The following RLF variants were observed in gnomAD, a reference collection of about 807,000 sequenced individuals.
The protein encoded by RLF is RLF zinc finger.
A neutral mutation model predicts 162.9 loss-of-function variants in RLF; 7 were observed. The observed-to-expected ratio is 0.04, with a 90% CI of 0.02 to 0.08. The LOEUF is 0.08. Among genes scored for constraint, RLF ranks in the 10% least tolerant of loss-of-function variants. RLF has a pLI of 1.00. For missense variants in RLF, 1,664 were observed against 2,244.7 expected, an observed-to-expected ratio of 0.74 and a Z score of 5.23; for synonymous variants, 782 against 791.5, an observed-to-expected ratio of 0.99 and a Z score of 0.20.
intron 1 of RLF, among the ~76,000 whole-genome samples, chr1:40,186,745 TAATC>T (rs1642487095): frequency 6.6e-6 from 1 of 152,220 alleles, no homozygotes; most frequent in African/African-American, 2.4e-5. Context: ...TTATGTGTGA[TAATC>T]TATTGAAAAA....
intron 7 of RLF, 44 bp downstream of exon 7, chr1:40,231,702 G>A (rs1343499481): frequency 6.5e-7 from 1 of 1,533,402 alleles, no homozygotes; most frequent in African/African-American, 1.4e-5. Context: ...CTGGAGGAAA[G>A]AAATGAGTGG....
intron 5 of RLF, among the ~76,000 whole-genome samples, chr1:40,205,576 G>A (rs1008266476): frequency 8.9e-5 from 12 of 134,796 alleles, no homozygotes; most frequent in South Asian, 2.5e-4. Context: ...TGCAAGCTCC[G>A]CCTCCCAGGT....
At chr1:40,168,820 C>T (rs1028606628) in intron 1 of RLF, among the ~76,000 whole-genome samples, 1 of 151,720 alleles carries the variant, frequency 6.6e-6, no homozygotes, top group African/African-American at 2.4e-5. Flanking sequence ...GGTGAAACCC[C>T]ATCTCTACTA....
chr1:40,188,307 T>C (rs1642509613), intron 1 of RLF, among the ~76,000 whole-genome samples: 1 of 152,184 alleles, frequency 6.6e-6, no homozygotes, highest in South Asian at 2.1e-4. Flanking sequence ...ACACATATAA[T>C]TTATCAGGCT....
At chr1:40,231,800 G>C (rs989115528) in intron 7 of RLF, 142 bp downstream of exon 7, 1 of 696,210 alleles carries the variant, frequency 1.4e-6, no homozygotes, top group African/African-American at 1.8e-5. Context: ...ACATCTGACT[G>C]TTTCTCCAGA....
intron 1 of RLF, among the ~76,000 whole-genome samples, chr1:40,173,093 T>TTTTTTTTTTTTTTTTTTTG (rs1642269653): frequency 7.0e-6 from 1 of 142,776 alleles, no homozygotes; most frequent in African/African-American, 2.6e-5. Context: ...TTTTTTTTTG[T>TTTTTTTTTTTTTTTTTTTG]GAGGCAGAGT....
At chr1:40,168,241 T>TTTTG (rs774768473) in intron 1 of RLF, among the ~76,000 whole-genome samples, 15 of 151,760 alleles carry the variant, frequency 9.9e-5, no homozygotes, top group South Asian at 4.2e-4. Context: ...GAAAGATACT[T>TTTTG]TTTGTTTGTT....
chr1:40,221,712 AAC>A (rs1172877990), intron 5 of RLF, among the ~76,000 whole-genome samples: 2 of 151,850 alleles, frequency 1.3e-5, no homozygotes, highest in Non-Finnish European at 2.9e-5. Flanking sequence ...CATCCTGGCT[AAC>A]ACAGTGAAAC....
intron 6 of RLF, among the ~76,000 whole-genome samples, chr1:40,224,994 A>C (rs1229505647): frequency 3.9e-5 from 6 of 152,014 alleles, no homozygotes; most frequent in Non-Finnish European, 8.8e-5. Flanking sequence ...AAAACAAAAA[A>C]CATTGAATTT....
In RLF at chr1:40,173,863, G is replaced by A. The variant is rs149800820; in HGVS notation, c.237+12227G>A. ...GGTCTCTTTGAAGTTCTCATGAAGC[G>A]GAACATGTCCAAAGAATTATAATTA... On this transcript the variant is annotated intron_variant, in intron 1 of 7. Coordinates refer to ENST00000372771, the MANE Select transcript of RLF (RefSeq NM_012421.4). Among the ~76,000 whole-genome samples the A allele has an allele frequency of 7.4e-4, 112 of 152,214 alleles. 3 individuals are homozygous for A. The East Asian group carries it at 0.02, about 27-fold the overall frequency.
At chr1:40,186,691 G>GA (rs1416058342) in intron 1 of RLF, among the ~76,000 whole-genome samples, 1 of 152,210 alleles carries the variant, frequency 6.6e-6, no homozygotes, top group Non-Finnish European at 1.5e-5. Context: ...AAAGCTCTGT[G>GA]AGGATAGGCC....
At position 40,236,606 on chromosome 1, in the gene RLF, C is replaced by T. The variant is rs777750837; in HGVS notation, c.1904C>T (p.Ala635Val). ...GGTATTTGTCCTAAGAGCCCCTCTG[C>T]AATCCCAGAGCAAAACCATTCATTG... ...QKGICPKSPS[A>V]IPEQNHSLND... Residue 635 changes from alanine to valine, a missense_variant, in exon 8 of 8, where the codon GCA (alanine) becomes GTA (valine). Transcript: ENST00000372771. The surrounding 1 kb of genome is among the most constrained non-coding windows in gnomAD (Gnocchi z 7.7). The T allele has an allele frequency of 6.2e-7, 1 of 1,614,124 alleles. No homozygotes were observed. The highest frequency in any genetic ancestry group is 1.1e-5 in the South Asian group (1 of 91,084).
chr1:40,168,977 G>C (rs992059852), intron 1 of RLF, among the ~76,000 whole-genome samples: 85 of 152,082 alleles, frequency 5.6e-4, no homozygotes, highest in African/African-American at 2.0e-3. Flanking sequence ...TGGGCAACAA[G>C]AGCAAAACTC....
rs201866922 is a variant in RLF at position 40,236,485 on chromosome 1, G to C, written c.1783G>C (p.Glu595Gln). The C allele has an allele frequency of 1.2e-6, 2 of 1,613,548 alleles. No individual in the cohort carries two copies. The highest frequency in any genetic ancestry group is 1.7e-6 in the Non-Finnish European group (2 of 1,179,886). ...TTGTATTAAAAAATTTAAGAGAAAA[G>C]AAATGTTTGTTCCTCATGTGATGGA... Reference protein sequence around the residue: ...PVCIKKFKRKEMFVPHVMEHV... With the variant: ...PVCIKKFKRKQMFVPHVMEHV... The change falls in exon 8 of 8, where the codon GAA (glutamate) becomes CAA (glutamine). Residue 595 changes from glutamate (E) to glutamine (Q), a missense_variant. Glu to Gln is a conservative substitution (Grantham distance 29). Around this residue, in one of 15 missense-constraint regions of RLF, gnomAD observed 31 missense variants for 80.5 expected, o/e 0.39. Transcript: ENST00000372771. The surrounding 1 kb of genome is among the most constrained non-coding windows in gnomAD (Gnocchi z 7.7).
chr1:40,237,998 T>C lies in RLF; in HGVS notation c.3296T>C (p.Val1099Ala). ...AGTGGTGCTAAGTCTCTTCAGTCAG[T>C]TTCATCTATCTCAGACCTTAATTTT... ...PSSGAKSLQS[V>A]SSISDLNFQN... The change falls in exon 8 of 8, where the codon GTT (valine) becomes GCT (alanine). Residue 1099 changes from valine to alanine, a missense_variant. Transcript: ENST00000372771. The surrounding 1 kb of genome is among the most constrained non-coding windows in gnomAD (Gnocchi z 4.4). The C allele has an allele frequency of 6.2e-7, 1 of 1,614,154 alleles. No homozygotes were observed. Among genetic ancestry groups the C allele is most frequent in the Non-Finnish European group, 8.5e-7 (1 of 1,180,014 alleles).
intron 4 of RLF, among the ~76,000 whole-genome samples, chr1:40,196,421 T>G (rs1642637652): frequency 6.6e-6 from 1 of 151,794 alleles, no homozygotes; most frequent in South Asian, 2.1e-4. Context: ...ATGAAAAAAG[T>G]TTTTTTTATT....
At chr1:40,207,622 T>C (rs1261293503) in intron 5 of RLF, among the ~76,000 whole-genome samples, 3 of 152,206 alleles carry the variant, frequency 2.0e-5, no homozygotes, top group East Asian at 3.9e-4. Flanking sequence ...TGTTGAAAAT[T>C]GTTTTTTTTG....
At position 40,203,479 on chromosome 1, in the gene RLF, G is replaced by A. The variant is rs982327197; in HGVS notation, c.810+865G>A. Among the ~76,000 whole-genome samples the A allele has an allele frequency of 3.3e-5, 5 of 151,608 alleles. No individual in the cohort carries two copies. In the East Asian group the frequency reaches 9.8e-4, roughly 30 times the overall value. Reference sequence around the variant, plus strand: ...AATCGCTTGAACCCGGGAGGTGGAGGTTGCAGTGCATCGAGATCGTGCCAC... The same window carrying A: ...AATCGCTTGAACCCGGGAGGTGGAGATTGCAGTGCATCGAGATCGTGCCAC... On this transcript the variant is annotated intron_variant, in intron 5 of 7. Transcript: ENST00000372771.
chr1:40,238,132 C>T lies in RLF; in HGVS notation c.3430C>T (p.Leu1144=), dbSNP rs377713198. 12 of 1,613,858 alleles carry T rather than the reference C, an allele frequency of 7.4e-6. No homozygotes were observed. The highest frequency in any genetic ancestry group is 1.0e-5 in the Non-Finnish European group (12 of 1,179,952). ...CKYEFVTREA[L]LMHYLKKHNY... ...ATATGAATTTGTGACCAGAGAGGCT[C>T]TGTTAATGCATTATCTTAAAAAGCA... is the stretch of plus-strand genomic sequence containing the variant. The change falls in exon 8 of 8, where the codon CTG becomes TTG. Residue 1144 remains leucine (L), a synonymous_variant. Coordinates refer to ENST00000372771, the MANE Select transcript of RLF (RefSeq NM_012421.4). This position sits in a 1 kb window ranked among gnomAD's most constrained non-coding sequence, Gnocchi z 5.2.
Sources: gnomAD v4.1 joint callset for allele counts (sites outside exome capture counted in the v4.1 genomes callset) on GRCh38, gnomAD v4.1.1 for gene constraint, gnomAD v4.1.1 regional missense constraint, Gnocchi (gnomAD v3.1) non-coding constraint, MANE v1.5 for transcripts, NCBI Gene and HGNC (gene_info 2026-07-23, HGNC 2026-07-21) for gene names.